ASB11: variants seen among roughly 807,000 people sequenced by gnomAD.
ASB11 encodes ankyrin repeat and SOCS box protein 11.
A neutral mutation model predicts 20.1 loss-of-function variants in ASB11; 17 were observed. That is an observed-to-expected ratio of 0.85 (90% CI 0.58 to 1.27). The LOEUF is 1.27. Among genes scored for constraint, ASB11 ranks in the 50% most tolerant of loss-of-function variants. ASB11 has a pLI of 0.00. For synonymous variants in ASB11, 107 were observed against 105.6 expected (o/e 1.01, Z -0.08); for missense variants, 259 against 256.9 (o/e 1.01, Z -0.06).
intron 6 of ASB11, among the ~76,000 whole-genome samples, chrX:15,284,404 C>G (rs1382469272): frequency 9.0e-6 from 1 of 111,253 alleles, no homozygotes; most frequent in Non-Finnish European, 1.9e-5. Context: ...GTTCCACCTG[C>G]GTGGTGACAG....
At chrX:15,294,042 A>G (rs1264678061) in intron 3 of ASB11, among the ~76,000 whole-genome samples, 1 of 111,337 alleles carries the variant, frequency 9.0e-6, no homozygotes, top group Non-Finnish European at 1.9e-5. Flanking sequence ...AAAAATAAAA[A>G]TAAATAAATA....
At position 15,293,340 on chromosome X, in the gene ASB11, G is replaced by A. The variant is rs767092578; in HGVS notation, c.370-20C>T. On this transcript the variant is annotated intron_variant, in intron 3 of 6. Coordinates refer to ENST00000480796, the MANE Select transcript of ASB11 (RefSeq NM_080873.3). ...ATTGACCTAATGATGGGCAAAGAGAGACCCAAAGGATTTGTTATTTCATTC... is the reference window on the plus strand; with the variant it reads ...ATTGACCTAATGATGGGCAAAGAGAAACCCAAAGGATTTGTTATTTCATTC... The A allele has an allele frequency of 2.2e-5, 26 of 1,183,523 alleles. No homozygotes were observed. Among genetic ancestry groups the A allele is most frequent in the Non-Finnish European group, 4.5e-6 (4 of 881,513 alleles).
chrX:15,307,194 G>A (rs1020050283), intron 1 of ASB11, among the ~76,000 whole-genome samples: 5 of 112,342 alleles, frequency 4.5e-5, no homozygotes, highest in African/African-American at 1.3e-4. Flanking sequence ...GTAACTTTCC[G>A]TTACTTATCA....
intron 6 of ASB11, among the ~76,000 whole-genome samples, chrX:15,286,663 C>CAAAAAGAAAAAAAAAAAAAAA (rs1927396141): frequency 1.8e-5 from 1 of 54,408 alleles, no homozygotes; most frequent in African/African-American, 7.7e-5. Flanking sequence ...GACTCCATCT[C>CAAAAAGAAAAAAAAAAAAAAA]AAAAAAAAAA....
At chrX:15,284,251 C>CAAAAAAA (rs60542067) in intron 6 of ASB11, among the ~76,000 whole-genome samples, 2 of 72,329 alleles carry the variant, frequency 2.8e-5, no homozygotes, top group African/African-American at 5.8e-5. Flanking sequence ...GACTCCGCCT[C>CAAAAAAA]AAAAAAAAAA....
chrX:15,283,416 C>G lies in ASB11; in HGVS notation c.*89G>C, dbSNP rs1436519992. 2 of 1,112,089 alleles carry G rather than the reference C, an allele frequency of 1.8e-6. No individual in the cohort carries two copies. The highest frequency in any genetic ancestry group is 1.8e-5 in the African/African-American group (1 of 54,980). The allele number at this position is 1,112,089 out of a possible 1,213,427, so 91.6% of individuals were successfully genotyped here. On this transcript the variant is annotated 3_prime_UTR_variant, in exon 7 of 7. Coordinates refer to ENST00000480796, the MANE Select transcript of ASB11 (RefSeq NM_080873.3). ...GAGCTCATTTAAAGATACTAGGAGT[C>G]TAAGCTGTTGAGCTTCTACATTAGG...
intron 3 of ASB11, among the ~76,000 whole-genome samples, chrX:15,297,193 G>A (rs1268456612): frequency 8.9e-6 from 1 of 112,106 alleles, no homozygotes; most frequent in African/African-American, 3.2e-5. Flanking sequence ...TGGGGAGGCT[G>A]AGGCAGGAGA....
chrX:15,289,123 T>G (rs971558904), intron 5 of ASB11, among the ~76,000 whole-genome samples: 1 of 111,932 alleles, frequency 8.9e-6, no homozygotes, highest in Non-Finnish European at 1.9e-5. Context: ...AAATGCAGAG[T>G]AGGCTGAAAT....
chrX:15,315,239 A>C (rs893590859), intron 1 of ASB11, among the ~76,000 whole-genome samples, 186 bp downstream of exon 1: 2 of 112,066 alleles, frequency 1.8e-5, no homozygotes, highest in East Asian at 2.8e-4. Context: ...ACTTGCAAAA[A>C]ATAAAGCTGA....
At chrX:15,291,183 A>G (rs775025199) in intron 4 of ASB11, among the ~76,000 whole-genome samples, 5 of 111,828 alleles carry the variant, frequency 4.5e-5, no homozygotes, top group South Asian at 3.7e-4. Context: ...GTGGATATTT[A>G]TCCTTAACAT....
chrX:15,314,693 GT>G, intron 1 of ASB11: 1 of 425,048 alleles, frequency 2.4e-6, no homozygotes. Context: ...TCTGAACTCT[GT>G]TTATGAATAA....
rs1158820749 is a variant in ASB11, at chrX:15,288,778, C to T, written c.656-706G>A. 3.6e-5 allele frequency among the ~76,000 whole-genome samples: 4 copies of T among 110,053 alleles called. No individual in the cohort carries two copies. The Admixed American group carries it at 3.9e-4, about 11-fold the overall frequency. The stretch of plus-strand genomic sequence containing the variant: ...TGTGCGTCTGTAATCCCAGCTACTC[C>T]GGCGGCTAGGGCAGGAGAATCGCTT... On this transcript the variant is annotated intron_variant, in intron 5 of 6. Coordinates refer to ENST00000480796, the MANE Select transcript of ASB11 (RefSeq NM_080873.3).
chrX:15,315,449 C>T lies in ASB11; in HGVS notation c.157G>A (p.Glu53Lys). 8.8e-7 allele frequency: 1 copy of T among 1,137,237 alleles called. No individual in the cohort carries two copies. Among genetic ancestry groups the T allele is most frequent in the Non-Finnish European group, 1.2e-6 (1 of 862,860 alleles). The allele number at this position is 1,137,237 out of a possible 1,213,427, so 93.7% of individuals were successfully genotyped here. The change falls in exon 1 of 7, where the codon GAA (glutamate) becomes AAA (lysine). Residue 53 changes from glutamate (E) to lysine (K), a missense_variant. Glu to Lys is a moderately conservative substitution (Grantham distance 56). Transcript: ENST00000480796. ...GNRKEAARIA[E>K]EIYGGISDCW... ...CCTGAAATTCCACCATAGATCTCTT[C>T]TGCTATCCTAGCCGCTTCTTTTCTA...
chrX:15,302,877 C>T, intron 1 of ASB11, 70 bp from the exon 2 acceptor site: 2 of 974,365 alleles, frequency 2.1e-6, no homozygotes, highest in Non-Finnish European at 2.9e-6. Context: ...TGCTGCCCAC[C>T]CACTGTGAGA....
intron 1 of ASB11, among the ~76,000 whole-genome samples, chrX:15,308,709 A>T (rs755478009): frequency 4.4e-4 from 49 of 111,735 alleles, no homozygotes; most frequent in Middle Eastern, 4.7e-3. Flanking sequence ...AGTTATGGGG[A>T]CTTTAGAACA....
chrX:15,297,546 G>C (rs757131031), intron 3 of ASB11, 28 bp downstream of exon 3: 1 of 1,105,647 alleles, frequency 9.0e-7, no homozygotes, highest in East Asian at 3.1e-5. Flanking sequence ...TGGCCAGACA[G>C]ACCCAAGTGG....
At chrX:15,297,918 T>C (rs901748334) in intron 2 of ASB11, among the ~76,000 whole-genome samples, 1 of 112,276 alleles carries the variant, frequency 8.9e-6, no homozygotes, top group Non-Finnish European at 1.9e-5. Context: ...AGTCTGTGGG[T>C]GTAATATTAG....
Position 15,303,925 on chromosome X carries a change from C to T in ASB11, c.182-1118G>A, listed in dbSNP as rs773219546. Reference sequence around the variant, plus strand: ...TTTCTTATAATTGCTTATCTGCAAACAAGACTAACTAGTTTAAATGAGCAT... The same window carrying T: ...TTTCTTATAATTGCTTATCTGCAAATAAGACTAACTAGTTTAAATGAGCAT... On this transcript the variant is annotated intron_variant, in intron 1 of 6. Transcript: ENST00000480796. 3.2e-4 allele frequency among the ~76,000 whole-genome samples: 36 copies of T among 112,498 alleles called. No individual in the cohort carries two copies. In the South Asian group the frequency reaches 0.012, roughly 36 times the overall value.
intron 1 of ASB11, chrX:15,314,454 A>ATT (rs1921549341): frequency 8.3e-7 from 1 of 1,201,904 alleles, no homozygotes; most frequent in Admixed American, 2.2e-5. Context: ...AAACTTCACA[A>ATT]TTCTTCTCAT....
Sources: gnomAD v4.1 joint callset for allele counts (sites outside exome capture counted in the v4.1 genomes callset) on GRCh38, gnomAD v4.1.1 for gene constraint, MANE v1.5 for transcripts, NCBI Gene and HGNC (gene_info 2026-07-23, HGNC 2026-07-21) for gene names.